The following TSPAN14 variants were observed in gnomAD, a reference collection of about 807,000 sequenced individuals.
The protein encoded by TSPAN14 is tetraspanin-14.
Under a neutral mutation model 36.6 loss-of-function variants are expected in TSPAN14, and 16 were observed. The observed-to-expected ratio is 0.44, with a 90% confidence interval of 0.30 to 0.66. The LOEUF (loss-of-function observed/expected upper bound fraction) is 0.66, where lower values mean the gene tolerates loss of function less well. TSPAN14 is among the 30% of genes least tolerant of loss of function. The pLI is 0.12. For synonymous variants in TSPAN14, 139 were observed against 143.8 expected, an observed-to-expected ratio of 0.97 and a Z score of 0.24; for missense variants, 231 against 355.1, an observed-to-expected ratio of 0.65 and a Z score of 2.81.
At chr10:80,520,432 AGG>A (rs1564753418) in exon 9 of TSPAN14, 1 of 420,380 alleles carries the variant, frequency 2.4e-6, no homozygotes, top group Non-Finnish European at 4.8e-6. Flanking sequence ...GGCACAGGGC[AGG>A]CCTCCTGTGC....
chr10:80,519,164 C>G (rs147940726), exon 9 of TSPAN14: 1 of 152,716 alleles, frequency 6.5e-6, no homozygotes, highest in Admixed American at 6.5e-5. Flanking sequence ...TGCCTCTCCC[C>G]GGAGACAGCC....
chr10:80,462,114 T>C (rs955162873), intron 1 of TSPAN14, among the ~76,000 whole-genome samples: 2 of 152,120 alleles, frequency 1.3e-5, no homozygotes, highest in Non-Finnish European at 2.9e-5. Flanking sequence ...TGGATCTTGC[T>C]ATGTTGCCTA....
chr10:80,495,293 A>G lies in TSPAN14; in HGVS notation c.81+5979A>G, dbSNP rs140375693. The stretch of plus-strand genomic sequence containing the variant: ...CATACAGTCAAAATCACATCCCCAG[A>G]ACGACTGCCCCAATTCATAGGAAGT... On this transcript the variant is annotated intron_variant, in intron 2 of 8. Transcript: ENST00000429989. 2.1e-3 allele frequency among the ~76,000 whole-genome samples: 312 copies of G among 152,178 alleles called. 2 individuals are homozygous for G. Among genetic ancestry groups the G allele is most frequent in the African/African-American group, 7.1e-3 (294 of 41,504 alleles).
Position 80,507,222 on chromosome 10 carries a change from T to C in TSPAN14, c.133-6T>C, listed in dbSNP as rs113657389. The C allele has an allele frequency of 8.1e-6, 13 of 1,614,186 alleles. No homozygotes were observed. In the South Asian group the frequency reaches 1.2e-4, roughly 15 times the overall value. ...AGTGCTGCCCTGCTTTCTCTGTCTC[T>C]TTCAGGGTGTGCTGTCCGACCTCAC... On this transcript the variant is annotated splice_polypyrimidine_tract_variant and splice_region_variant and intron_variant, in intron 3 of 8. Transcript: ENST00000429989.
rs1472094653 is a variant in TSPAN14, at chr10:80,509,728, C to T, written c.450+257C>T. On this transcript the variant is annotated intron_variant, in intron 5 of 8. Coordinates refer to ENST00000429989, the Ensembl canonical transcript of TSPAN14. The surrounding 1 kb of genome is among the most constrained non-coding windows in gnomAD (Gnocchi z 4.7). The stretch of plus-strand genomic sequence containing the variant: ...TGTACCCGAGGCCACCCACCCCCCA[C>T]GTGCCCGGCCCTCCTCTTTCGGCCC... 8 of 476,226 alleles carry T rather than the reference C, an allele frequency of 1.7e-5. No individual in the cohort carries two copies. The highest frequency in any genetic ancestry group is 5.9e-5 in the African/African-American group (3 of 51,272). The allele number at this position is 476,226 out of a possible 1,614,324, so 29.5% of individuals were successfully genotyped here.
At chr10:80,508,495 C>T (rs1417919691) in intron 4 of TSPAN14, among the ~76,000 whole-genome samples, 1 of 152,106 alleles carries the variant, frequency 6.6e-6, no homozygotes, top group Non-Finnish European at 1.5e-5. Flanking sequence ...TCTTATATGG[C>T]CAGTGATAAT....
At chr10:80,510,321 G>A (rs1453792095) in intron 5 of TSPAN14, among the ~76,000 whole-genome samples, 2 of 152,204 alleles carry the variant, frequency 1.3e-5, no homozygotes, top group African/African-American at 4.8e-5. Context: ...TTTATTTCAT[G>A]TATTATGGGA....
intron 1 of TSPAN14, among the ~76,000 whole-genome samples, chr10:80,476,099 C>T (rs891563356): frequency 4.6e-5 from 7 of 152,110 alleles, no homozygotes; most frequent in Non-Finnish European, 8.8e-5. Context: ...TGGCTGGGTG[C>T]GGGGGCTCAC....
chr10:80,514,674 G>A (rs922289305), intron 7 of TSPAN14, among the ~76,000 whole-genome samples: 1 of 152,216 alleles, frequency 6.6e-6, no homozygotes, highest in Non-Finnish European at 1.5e-5. Context: ...CCGTGGATAT[G>A]AGGGATGTGT....
At chr10:80,477,702 A>T (rs1286042931) in intron 1 of TSPAN14, among the ~76,000 whole-genome samples, 1 of 152,138 alleles carries the variant, frequency 6.6e-6, no homozygotes, top group African/African-American at 2.4e-5. Context: ...ATGCTGGGTG[A>T]TGGCCTCCGA....
At chr10:80,470,374 C>T (rs1564713396) in intron 1 of TSPAN14, among the ~76,000 whole-genome samples, 2 of 152,206 alleles carry the variant, frequency 1.3e-5, no homozygotes, top group African/African-American at 4.8e-5. Flanking sequence ...CCGCTGCGCC[C>T]AGCCTTTCCT....
At chr10:80,499,862 G>A (rs750030651) in intron 2 of TSPAN14, among the ~76,000 whole-genome samples, 1 of 152,190 alleles carries the variant, frequency 6.6e-6, no homozygotes, top group Non-Finnish European at 1.5e-5. Context: ...AAGCTGGGCC[G>A]GAGCTGGGCC....
intron 1 of TSPAN14, chr10:80,466,631 A>C (rs1231405203): frequency 6.6e-6 from 1 of 152,198 alleles, no homozygotes; most frequent in Non-Finnish European, 1.5e-5. Context: ...CGTGAAAGGC[A>C]TTGAAACACC....
chr10:80,515,443 C>A (rs1840883394), intron 7 of TSPAN14: 1 of 152,272 alleles, frequency 6.6e-6, no homozygotes, highest in Admixed American at 6.5e-5. Flanking sequence ...TTAGGGGGCA[C>A]CCTGATGGCC....
At chr10:80,498,165 A>T (rs541151683) in intron 2 of TSPAN14, among the ~76,000 whole-genome samples, 2 of 152,344 alleles carry the variant, frequency 1.3e-5, no homozygotes, top group Non-Finnish European at 2.9e-5. Context: ...TTCAATCGTC[A>T]GCATTTCAAG....
intron 2 of TSPAN14, among the ~76,000 whole-genome samples, chr10:80,496,410 T>C (rs1848201489): frequency 6.6e-6 from 1 of 152,206 alleles, no homozygotes; most frequent in African/African-American, 2.4e-5. Context: ...ACCTCCAGGC[T>C]GACTTCAAGA....
intron 1 of TSPAN14, among the ~76,000 whole-genome samples, chr10:80,484,316 C>CT (rs945047109): frequency 1.5e-4 from 23 of 151,430 alleles, no homozygotes; most frequent in Non-Finnish European, 2.2e-4. Context: ...AAAATTTTTC[C>CT]TTTTTTTTAA....
intron 5 of TSPAN14, among the ~76,000 whole-genome samples, chr10:80,511,300 C>T (rs771018487): frequency 5.9e-5 from 9 of 152,166 alleles, no homozygotes; most frequent in Non-Finnish European, 1.0e-4. Flanking sequence ...TCACCTTCAT[C>T]GGACCTCTTT....
chr10:80,504,833 T>C, intron 3 of TSPAN14, 55 bp downstream of exon 3: 1 of 1,591,066 alleles, frequency 6.3e-7, no homozygotes, highest in African/African-American at 1.3e-5. Flanking sequence ...CCAGATTCGT[T>C]GGACTTCATT....
Sources: allele counts gnomAD v4.1 joint callset (sites outside exome capture counted in the v4.1 genomes callset), GRCh38; gene constraint gnomAD v4.1.1; non-coding constraint Gnocchi (gnomAD v3.1); transcripts MANE v1.5; gene names NCBI Gene and HGNC (gene_info 2026-07-23, HGNC 2026-07-21).